Variants in NDUFAF6 observed in about 807,000 individuals in gnomAD.
NDUFAF6 encodes NADH dehydrogenase (ubiquinone) complex I, assembly factor 6.
A neutral mutation model predicts 40.8 loss-of-function variants in NDUFAF6; 45 were observed. The ratio of observed to expected loss-of-function variants is 1.10; its 90% CI spans 0.87 to 1.42. The LOEUF (loss-of-function observed/expected upper bound fraction) is 1.42, where lower values mean the gene tolerates loss of function less well. Ranked by LOEUF, NDUFAF6 falls within the 40% of genes most tolerant of loss-of-function variation. NDUFAF6 has a pLI of 0.00. For missense variants in NDUFAF6, 435 were observed against 418.5 expected (o/e 1.04, Z -0.34); for synonymous variants, 185 against 155.9 (o/e 1.19, Z -1.39).
chr8:95,095,305 AGCTGAGAAGATAGTCACCTTAGTACT>A (rs1387958971), intron 2 of NDUFAF6, among the ~76,000 whole-genome samples: 2 of 152,142 alleles, frequency 1.3e-5, no homozygotes, highest in African/African-American at 4.8e-5. Flanking sequence ...GGGTGAAGCT[AGCTGAGAAGATAGTCACCTTAGTACT>A]GCTGGAGAAG....
At chr8:94,962,602 G>GT (rs1385806352) in intron 1 of NDUFAF6, among the ~76,000 whole-genome samples, 82 of 137,730 alleles carry the variant, frequency 6.0e-4, no homozygotes, top group African/African-American at 2.0e-3. Context: ...CCAGACTTCT[G>GT]TTTTTTGTTT....
At chr8:95,116,136 TCAAAA>T (rs142390614) in intron 5 of NDUFAF6, 4,229 of 159,078 alleles carry the variant, frequency 0.027, 174 homozygotes, top group African/African-American at 0.092. Context: ...AAACTCCATC[TCAAAA>T]CAAAACAAAA....
chr8:94,928,450 A>G (rs968652404), intron 1 of NDUFAF6: 4 of 152,522 alleles, frequency 2.6e-5, no homozygotes, highest in African/African-American at 9.6e-5. Context: ...AACATCGTAT[A>G]AAACATACAC....
chr8:95,108,405 A>G (rs568309540), downstream of NDUFAF6, among the ~76,000 whole-genome samples: 1 of 152,354 alleles, frequency 6.6e-6, no homozygotes, highest in African/African-American at 2.4e-5. Flanking sequence ...TACATGCCAT[A>G]TTATGCATGA....
intron 7 of NDUFAF6, among the ~76,000 whole-genome samples, chr8:95,051,095 T>G (rs1831379457): frequency 6.6e-6 from 1 of 152,082 alleles, no homozygotes; most frequent in South Asian, 2.1e-4. Flanking sequence ...TTAAAGGAAG[T>G]CAGGACTAAA....
At position 95,032,175 on chromosome 8, in the gene NDUFAF6, T is replaced by C; in HGVS notation, c.297+81T>C. ...AATGCTGAACAATAAAGAAATATAG[T>C]TGTAATTTATATGTTAGATGTGTTT... On this transcript the variant is annotated intron_variant, in intron 2 of 8. Coordinates refer to ENST00000396124, the MANE Select transcript of NDUFAF6 (RefSeq NM_152416.4). 2 of 1,197,302 alleles carry C rather than the reference T, an allele frequency of 1.7e-6. 1 individual carries two copies. The highest frequency in any genetic ancestry group is 2.4e-5 in the South Asian group (2 of 81,910). The allele number at this position is 1,197,302 out of a possible 1,614,324, so 74.2% of individuals were successfully genotyped here.
intron 2 of NDUFAF6, among the ~76,000 whole-genome samples, chr8:94,998,203 A>C (rs1826544015): frequency 6.6e-6 from 1 of 152,194 alleles, no homozygotes; most frequent in Non-Finnish European, 1.5e-5. Context: ...TTGCCTATAA[A>C]ATATTTTGGA....
At chr8:94,910,277 C>A (rs1818692149) in intron 1 of NDUFAF6, among the ~76,000 whole-genome samples, 2 of 152,140 alleles carry the variant, frequency 1.3e-5, no homozygotes, top group Admixed American at 6.5e-5. Context: ...GTCAGCCTCC[C>A]AAGTAGCTGG....
chr8:94,921,167 A>G (rs1463654468), intron 1 of NDUFAF6, among the ~76,000 whole-genome samples: 2 of 152,202 alleles, frequency 1.3e-5, no homozygotes, highest in Admixed American at 6.5e-5. Flanking sequence ...TTATGTCACT[A>G]TGGCAAGTCA....
At chr8:95,066,820 T>C (rs980044420) in intron 9 of NDUFAF6, 1 of 152,192 alleles carries the variant, frequency 6.6e-6, no homozygotes, top group Non-Finnish European at 1.5e-5. Flanking sequence ...ATCTTGACTA[T>C]CCATTTTGTT....
intron 2 of NDUFAF6, among the ~76,000 whole-genome samples, chr8:95,093,980 T>C (rs563540472): frequency 6.6e-6 from 1 of 151,554 alleles, no homozygotes; most frequent in African/African-American, 2.4e-5. Flanking sequence ...TTTTTTGTTG[T>C]TTTTTTTTGA....
At chr8:95,085,057 A>G (rs547238811) in intron 2 of NDUFAF6, among the ~76,000 whole-genome samples, 2 of 152,306 alleles carry the variant, frequency 1.3e-5, no homozygotes, top group South Asian at 4.1e-4. Context: ...TTGGCCAAAG[A>G]CTGATGGCCG....
chr8:95,035,903 C>T (rs1289848710), intron 3 of NDUFAF6, among the ~76,000 whole-genome samples: 2 of 152,188 alleles, frequency 1.3e-5, no homozygotes, highest in African/African-American at 2.4e-5. Flanking sequence ...ATGTTCTGTT[C>T]TCTCTGCCTA....
chr8:95,069,634 G>T (rs912309618), intron 9 of NDUFAF6, among the ~76,000 whole-genome samples: 4 of 150,892 alleles, frequency 2.7e-5, no homozygotes, highest in African/African-American at 9.9e-5. Flanking sequence ...ACAAAAATTA[G>T]TTGGGCATGG....
At chr8:94,977,514 C>T (rs1233451444) in intron 1 of NDUFAF6, among the ~76,000 whole-genome samples, 1 of 144,900 alleles carries the variant, frequency 6.9e-6, no homozygotes, top group Non-Finnish European at 1.5e-5. Context: ...AGAGCAAGAC[C>T]CTGTCTCTAA....
At chr8:95,018,629 T>C (rs1389192847) in intron 2 of NDUFAF6, among the ~76,000 whole-genome samples, 1 of 151,886 alleles carries the variant, frequency 6.6e-6, no homozygotes, top group Non-Finnish European at 1.5e-5. Flanking sequence ...ACCCAGACAT[T>C]GGGATAAAAA....
rs542439314 is a variant in NDUFAF6 at position 95,065,724 on chromosome 8, C to T, written c.*512-9909C>T. On this transcript the variant is annotated intron_variant and NMD_transcript_variant, in intron 9 of 9. Transcript: ENST00000520757. ...TCCCATGGAATATTCTCTGAAAAGC[C>T]AGCATAACCTTTGCTAGTATTGATA... Among the ~76,000 whole-genome samples the T allele has an allele frequency of 5.3e-5, 8 of 152,194 alleles. No individual in the cohort carries two copies. The South Asian group carries it at 1.7e-3, about 32-fold the overall frequency.
intron 2 of NDUFAF6, among the ~76,000 whole-genome samples, chr8:95,086,825 G>T (rs1809062922): frequency 6.6e-6 from 1 of 151,850 alleles, no homozygotes; most frequent in African/African-American, 2.4e-5. Flanking sequence ...GGATGGTCTC[G>T]ATCTCCTGAC....
intron 1 of NDUFAF6, chr8:94,928,674 TAGA>T (rs1316882849): frequency 6.6e-6 from 1 of 152,236 alleles, no homozygotes; most frequent in Non-Finnish European, 1.5e-5. Context: ...TCACAGCCAG[TAGA>T]AGAACAATGT....
Sources: gnomAD v4.1 joint callset for allele counts (sites outside exome capture counted in the v4.1 genomes callset) on GRCh38, gnomAD v4.1.1 for gene constraint, MANE v1.5 for transcripts, NCBI Gene and HGNC (gene_info 2026-07-23, HGNC 2026-07-21) for gene names.